MTCL2: variants seen among roughly 807,000 people sequenced by gnomAD.
MTCL2 encodes microtubule crosslinking factor 2.
the MTCL2 span, among the ~76,000 whole-genome samples, chr20:36,842,600 C>T: frequency 0.029 from 4,466 of 152,206 alleles, 85 homozygotes; most frequent in Middle Eastern, 0.061. Flanking sequence ...GGTGAAATCC[C>T]GTCTCTACTA....
chr20:36,794,790 A>C, the MTCL2 span: 1 of 698,732 alleles, frequency 1.4e-6, no homozygotes, highest in Non-Finnish European at 2.4e-6. This position sits in a 1 kb window ranked among gnomAD's most constrained non-coding sequence, Gnocchi z 5.4. Context: ...TTTTCTCCCA[A>C]ACAGGTCTTG....
the MTCL2 span, among the ~76,000 whole-genome samples, chr20:36,858,625 C>A: frequency 1.3e-5 from 2 of 152,120 alleles, no homozygotes; most frequent in African/African-American, 2.4e-5. Context: ...TCTCCCAGTT[C>A]CTCCAAGAAT....
the MTCL2 span, chr20:36,796,864 G>A: frequency 4.3e-6 from 7 of 1,613,522 alleles, no homozygotes; most frequent in Non-Finnish European, 5.9e-6. Context: ...GCAGAGCAGG[G>A]GACCAGCATG....
chr20:36,794,265 T>C, the MTCL2 span: 1 of 1,551,690 alleles, frequency 6.4e-7, no homozygotes, highest in Non-Finnish European at 8.7e-7. This position sits in a 1 kb window ranked among gnomAD's most constrained non-coding sequence, Gnocchi z 5.4. Flanking sequence ...ATAATGATCT[T>C]GCCCTCTTTG....
the MTCL2 span, among the ~76,000 whole-genome samples, chr20:36,795,326 G>C: frequency 6.6e-6 from 1 of 152,174 alleles, no homozygotes; most frequent in Non-Finnish European, 1.5e-5. Context: ...CTGGCCTCAA[G>C]AGATCTTCCT....
chr20:36,841,615 G>A, the MTCL2 span, among the ~76,000 whole-genome samples: 1 of 152,126 alleles, frequency 6.6e-6, no homozygotes, highest in East Asian at 1.9e-4. Context: ...GGCAGCTACT[G>A]GGTTAATTTG....
At chr20:36,815,462 G>T in the MTCL2 span, 3 of 1,605,184 alleles carry the variant, frequency 1.9e-6, no homozygotes, top group Non-Finnish European at 8.5e-7. The surrounding 1 kb of genome is among the most constrained non-coding windows in gnomAD (Gnocchi z 5.3). Context: ...TGACCAGGGC[G>T]GCCTGCTCTC....
chr20:36,838,236 G>A, the MTCL2 span, among the ~76,000 whole-genome samples: 3 of 152,058 alleles, frequency 2.0e-5, no homozygotes, highest in South Asian at 4.1e-4. Context: ...GTTTTCAGTA[G>A]AGACAGGGTT....
the MTCL2 span, among the ~76,000 whole-genome samples, chr20:36,811,455 C>G: frequency 1.3e-5 from 2 of 152,028 alleles, no homozygotes; most frequent in South Asian, 2.1e-4. Context: ...ATGACAAAAC[C>G]CTGTCTCTAC....
the MTCL2 span, among the ~76,000 whole-genome samples, chr20:36,841,450 G>A: frequency 1.1e-4 from 16 of 140,660 alleles, no homozygotes; most frequent in African/African-American, 3.7e-4. Flanking sequence ...CATGATCAGG[G>A]AGGCCATCTC....
At chr20:36,813,249 G>C in the MTCL2 span, among the ~76,000 whole-genome samples, 689 of 129,974 alleles carry the variant, frequency 5.3e-3, 5 homozygotes, top group Middle Eastern at 0.023. Context: ...ACAATTTGAG[G>C]CTACAGCGAG....
chr20:36,843,267 G>T, the MTCL2 span, among the ~76,000 whole-genome samples: 28 of 152,306 alleles, frequency 1.8e-4, no homozygotes, highest in African/African-American at 6.7e-4. Context: ...TGTGAGGAAG[G>T]GGGTACGACT....
the MTCL2 span, among the ~76,000 whole-genome samples, chr20:36,790,085 G>A: frequency 1.3e-5 from 2 of 148,560 alleles, no homozygotes; most frequent in East Asian, 2.0e-4. Flanking sequence ...TCCGCCTCCC[G>A]GGTTCATGCC....
At chr20:36,845,461 G>T in the MTCL2 span, among the ~76,000 whole-genome samples, 1 of 152,264 alleles carries the variant, frequency 6.6e-6, no homozygotes, top group African/African-American at 2.4e-5. Context: ...ATCTCTCCAG[G>T]GGGGCCTAGG....
chr20:36,816,333 C>A, the MTCL2 span: 2 of 1,537,936 alleles, frequency 1.3e-6, no homozygotes, highest in Non-Finnish European at 1.7e-6. Context: ...CAGACACAAC[C>A]CAGGAAGGTT....
the MTCL2 span, among the ~76,000 whole-genome samples, chr20:36,800,452 C>T: frequency 6.6e-6 from 1 of 152,148 alleles, no homozygotes; most frequent in Non-Finnish European, 1.5e-5. Context: ...GCACAGCCTC[C>T]TAGCAAGTGT....
chr20:36,820,170 T>C, the MTCL2 span, among the ~76,000 whole-genome samples: 1 of 152,214 alleles, frequency 6.6e-6, no homozygotes, highest in Non-Finnish European at 1.5e-5. Flanking sequence ...TTATGATCCC[T>C]GGGTGAACCC....
the MTCL2 span, among the ~76,000 whole-genome samples, chr20:36,818,036 G>A: frequency 6.6e-6 from 1 of 152,126 alleles, no homozygotes; most frequent in Non-Finnish European, 1.5e-5. Flanking sequence ...TCCAGGGATG[G>A]GTCCATGACC....
chr20:36,841,752 G>C, the MTCL2 span, among the ~76,000 whole-genome samples: 3 of 152,154 alleles, frequency 2.0e-5, no homozygotes, highest in African/African-American at 7.2e-5. Context: ...AGGCTGGAGT[G>C]CGGTGGCAAA....
Sources: allele counts gnomAD v4.1 joint callset (sites outside exome capture counted in the v4.1 genomes callset), GRCh38; gene constraint gnomAD v4.1.1; non-coding constraint Gnocchi (gnomAD v3.1); transcripts MANE v1.5; gene names NCBI Gene and HGNC (gene_info 2026-07-23, HGNC 2026-07-21).